The following WDPCP variants were observed in gnomAD, a reference collection of about 807,000 sequenced individuals.
WDPCP encodes WD repeat-containing and planar cell polarity effector protein fritz homolog.
In WDPCP, 71 loss-of-function variants were observed where a neutral mutation model predicts 93.1. The ratio of observed to expected loss-of-function variants is 0.76; its 90% CI spans 0.63 to 0.93. WDPCP has a LOEUF of 0.93. WDPCP is among the 40% of genes least tolerant of loss of function. The pLI is 0.00. For missense variants in WDPCP, 844 were observed against 887.4 expected, an observed-to-expected ratio of 0.95 and a Z score of 0.62; for synonymous variants, 315 against 315.0, an observed-to-expected ratio of 1.00 and a Z score of 0.00.
At position 63,611,903 on chromosome 2, in the gene WDPCP, T is replaced by C. The variant is rs532203060; in HGVS notation, n.488+38756A>G. Among the ~76,000 whole-genome samples, 14 of 152,328 alleles carry C rather than the reference T, an allele frequency of 9.2e-5. No individual in the cohort carries two copies. In the South Asian group the frequency reaches 2.9e-3, roughly 32 times the overall value. On this transcript the variant is annotated intron_variant and non_coding_transcript_variant, in intron 3 of 4. Transcript: ENST00000467687. ...AATCAAACTCATAGCCTGACCTGGG[T>C]AGCACAATTGAGTAAAGCACTTTTA...
At chr2:63,463,128 TAGAG>T (rs1465875379) in intron 6 of WDPCP, among the ~76,000 whole-genome samples, 1 of 138,858 alleles carries the variant, frequency 7.2e-6, no homozygotes, top group Non-Finnish European at 1.6e-5. Flanking sequence ...GAAAAAGAAA[TAGAG>T]AGAACACTGA....
At chr2:63,212,894 A>G (rs1393557618) in intron 14 of WDPCP, among the ~76,000 whole-genome samples, 1 of 152,212 alleles carries the variant, frequency 6.6e-6, no homozygotes, top group East Asian at 1.9e-4. Flanking sequence ...ATATAATGGT[A>G]AAGAGATCAA....
chr2:63,122,880 G>T (rs1395295840), intron 17 of WDPCP, among the ~76,000 whole-genome samples: 1 of 152,016 alleles, frequency 6.6e-6, no homozygotes, highest in Non-Finnish European at 1.5e-5. Flanking sequence ...AAGTTATTCT[G>T]TAAGTTATAT....
intron 2 of WDPCP, among the ~76,000 whole-genome samples, chr2:63,770,557 C>CA (rs1384699750): frequency 6.6e-6 from 1 of 151,554 alleles, no homozygotes; most frequent in East Asian, 1.9e-4. Context: ...AACAAACAAA[C>CA]AAAAAAACAA....
chr2:63,326,441 C>A (rs1425225760), intron 12 of WDPCP, among the ~76,000 whole-genome samples: 1 of 152,116 alleles, frequency 6.6e-6, no homozygotes, highest in Non-Finnish European at 1.5e-5. Flanking sequence ...CCCGAGGGAC[C>A]AGCGCCCAGT....
intron 14 of WDPCP, among the ~76,000 whole-genome samples, chr2:63,193,320 A>G (rs939482360): frequency 3.3e-5 from 5 of 152,196 alleles, no homozygotes; most frequent in Admixed American, 6.5e-5. Flanking sequence ...ATGAATCTCT[A>G]TTGAACTCAG....
chr2:63,712,188 G>T (rs957603553), intron 2 of WDPCP, among the ~76,000 whole-genome samples: 2 of 152,186 alleles, frequency 1.3e-5, no homozygotes, highest in African/African-American at 4.8e-5. Context: ...AGAAAAGGAA[G>T]GGCCCAGTGT....
At chr2:63,602,825 C>G (rs1413817228) in intron 3 of WDPCP, among the ~76,000 whole-genome samples, 1 of 152,194 alleles carries the variant, frequency 6.6e-6, no homozygotes, top group Middle Eastern at 3.4e-3. Context: ...AGTTTAATGC[C>G]TTTAAGATCC....
chr2:63,327,135 G>A (rs1687619051), intron 12 of WDPCP, among the ~76,000 whole-genome samples: 2 of 152,140 alleles, frequency 1.3e-5, no homozygotes, highest in Non-Finnish European at 1.5e-5. Context: ...CCTCCCAGGC[G>A]ATTAAGGGAA....
chr2:63,673,575 T>C (rs1380830138), intron 2 of WDPCP, among the ~76,000 whole-genome samples: 1 of 152,114 alleles, frequency 6.6e-6, no homozygotes, highest in African/African-American at 2.4e-5. Flanking sequence ...CTGGAGGCTA[T>C]TGGTCAGCTA....
At chr2:63,745,440 A>G (rs1172144138) in intron 2 of WDPCP, among the ~76,000 whole-genome samples, 1 of 152,206 alleles carries the variant, frequency 6.6e-6, no homozygotes, top group Non-Finnish European at 1.5e-5. Flanking sequence ...GTTGATTACT[A>G]TCATTATTAA....
At chr2:63,399,605 C>CG (rs1384358036) in intron 10 of WDPCP, among the ~76,000 whole-genome samples, 4 of 91,970 alleles carry the variant, frequency 4.3e-5, no homozygotes, top group Admixed American at 1.8e-4. Context: ...GGAAGAAGGG[C>CG]GGGGGGCGGG....
At chr2:63,495,640 C>T (rs996321257) in intron 1 of WDPCP, among the ~76,000 whole-genome samples, 8 of 152,178 alleles carry the variant, frequency 5.3e-5, no homozygotes, top group African/African-American at 1.9e-4. Context: ...AATTACCTAA[C>T]TTCTCTATTT....
intron 13 of WDPCP, among the ~76,000 whole-genome samples, chr2:63,286,020 T>C (rs1575061524): frequency 2.0e-5 from 3 of 151,950 alleles, no homozygotes; most frequent in African/African-American, 7.2e-5. Context: ...CTCATTTTGT[T>C]TTTTTTAGAT....
intron 12 of WDPCP, among the ~76,000 whole-genome samples, chr2:63,325,432 C>T (rs963649524): frequency 2.0e-5 from 3 of 152,148 alleles, no homozygotes; most frequent in South Asian, 2.1e-4. Context: ...GAGGGTGCCT[C>T]GGGAAAGCGC....
chr2:63,362,902 C>T (rs1472518136), intron 12 of WDPCP, among the ~76,000 whole-genome samples: 1 of 152,060 alleles, frequency 6.6e-6, no homozygotes, highest in Non-Finnish European at 1.5e-5. Flanking sequence ...TTCAGTTTCC[C>T]TATAACATGA....
At chr2:63,723,276 A>G (rs1268107246) in intron 2 of WDPCP, among the ~76,000 whole-genome samples, 1 of 144,518 alleles carries the variant, frequency 6.9e-6, no homozygotes, top group Admixed American at 7.0e-5. Context: ...CCCAAGAATT[A>G]TCAATAAAAA....
At chr2:63,219,941 G>A (rs1013145417) in intron 14 of WDPCP, among the ~76,000 whole-genome samples, 10 of 152,232 alleles carry the variant, frequency 6.6e-5, no homozygotes, top group South Asian at 4.1e-4. Flanking sequence ...GGCAGAGGTT[G>A]CAGTAAGCCA....
chr2:63,488,977 CAG>C (rs1700721560), intron 2 of WDPCP, among the ~76,000 whole-genome samples: 1 of 151,954 alleles, frequency 6.6e-6, no homozygotes, highest in African/African-American at 2.4e-5. Flanking sequence ...GGTGTCCATT[CAG>C]AGAGTCAGCC....
Sources: allele counts gnomAD v4.1 joint callset (sites outside exome capture counted in the v4.1 genomes callset), GRCh38; gene constraint gnomAD v4.1.1; transcripts MANE v1.5; gene names NCBI Gene and HGNC (gene_info 2026-07-23, HGNC 2026-07-21).